LRP2: variants seen among roughly 807,000 people sequenced by gnomAD.
The protein encoded by LRP2 is low-density lipoprotein receptor-related protein 2.
In LRP2, 172 loss-of-function variants were observed where a neutral mutation model predicts 531.0. The ratio of observed to expected loss-of-function variants is 0.32; its 90% CI spans 0.29 to 0.37. The LOEUF (loss-of-function observed/expected upper bound fraction) is 0.37, where lower values mean the gene tolerates loss of function less well. Among genes scored for constraint, LRP2 ranks in the 10% least tolerant of loss-of-function variants. LRP2 has a pLI of 1.00. For missense variants in LRP2, 5,167 were observed against 5,868.3 expected (o/e 0.88, Z 3.90); for synonymous variants, 1,992 against 2,027.6 (o/e 0.98, Z 0.47).
intron 62 of LRP2, 104 bp from the exon 63 acceptor site, chr2:169,162,704 T>A: frequency 8.6e-7 from 1 of 1,160,418 alleles, no homozygotes; most frequent in Non-Finnish European, 1.3e-6. Context: ...AACAAGTGCT[T>A]CCCTACATTT....
intron 61 of LRP2, among the ~76,000 whole-genome samples, chr2:169,166,668 A>G (rs1276778222): frequency 6.6e-6 from 1 of 152,208 alleles, no homozygotes; most frequent in Admixed American, 6.5e-5. Flanking sequence ...TACATTTAAA[A>G]TCGATATCTC....
At chr2:169,311,229 T>C (rs1408297678) in intron 3 of LRP2, among the ~76,000 whole-genome samples, 2 of 152,226 alleles carry the variant, frequency 1.3e-5, no homozygotes, top group African/African-American at 2.4e-5. Context: ...TAGTTATTTC[T>C]TGCCTTCTGC....
intron 50 of LRP2, among the ~76,000 whole-genome samples, chr2:169,183,084 T>C (rs10169879): frequency 0.71 from 108,070 of 152,080 alleles, 38,656 homozygotes; most frequent in South Asian, 0.81. Flanking sequence ...ATAGCATCCA[T>C]AACCTTCCAA....
At position 169,238,202 on chromosome 2, in the gene LRP2, A is replaced by T. The variant is rs1689674670; in HGVS notation, c.4395T>A (p.Gly1465=). 4 of 1,614,130 alleles carry T rather than the reference A, an allele frequency of 2.5e-6. No individual in the cohort carries two copies. The highest frequency in any genetic ancestry group is 3.4e-6 in the Non-Finnish European group (4 of 1,179,956). Residue 1465 remains glycine (G), a synonymous_variant, in exon 27 of 79, where the codon GGT becomes GGA. Coordinates refer to ENST00000649046, the MANE Select transcript of LRP2 (RefSeq NM_004525.3). ...VHNIYSLVEN[G]SYIVAVDFDS... ...CAAAATCAACAGCTACAATGTAAGA[A>T]CCATTCTCGACCAATGAATAGATAT...
intron 72 of LRP2, among the ~76,000 whole-genome samples, chr2:169,140,195 G>C (rs1417220260): frequency 6.6e-6 from 1 of 152,172 alleles, no homozygotes; most frequent in Non-Finnish European, 1.5e-5. Flanking sequence ...GGCCTACCTA[G>C]AGCTTGTTAG....
chr2:169,285,042 C>T (rs1683816231), intron 9 of LRP2, among the ~76,000 whole-genome samples: 1 of 151,956 alleles, frequency 6.6e-6, no homozygotes, highest in South Asian at 2.1e-4. Flanking sequence ...GGCACAGTGG[C>T]TCACGCCTAT....
chr2:169,284,242 T>TTTTC (rs1683781719), intron 9 of LRP2, among the ~76,000 whole-genome samples: 1 of 104,598 alleles, frequency 9.6e-6, no homozygotes, highest in Admixed American at 1.2e-4. Context: ...TTTTCTTTTC[T>TTTTC]TTTTCTTTTT....
intron 3 of LRP2, among the ~76,000 whole-genome samples, chr2:169,309,752 T>A (rs896818700): frequency 2.6e-5 from 4 of 152,178 alleles, no homozygotes; most frequent in Non-Finnish European, 4.4e-5. Flanking sequence ...TTTTTCCAAT[T>A]CTGTGAAGAA....
Position 169,235,927 on chromosome 2 carries a change from C to T in LRP2, c.4833G>A (p.Leu1611=). The change falls in exon 29 of 79, where the codon CTG becomes CTA. Residue 1611 remains leucine, a synonymous_variant. Transcript: ENST00000649046. The part of the protein sequence containing the change: ...CGLTIDYPNR[L]LYFMDSYLDY... Reference sequence around the variant, plus strand: ...CAAGATAGGAGTCCATGAAGTAGAGCAGTCTGTTGGGGTAGTCAATAGTTA... The same window carrying T: ...CAAGATAGGAGTCCATGAAGTAGAGTAGTCTGTTGGGGTAGTCAATAGTTA... 1 of 1,614,154 alleles carries T rather than the reference C, an allele frequency of 6.2e-7. No homozygotes were observed. The highest frequency in any genetic ancestry group is 8.5e-7 in the Non-Finnish European group (1 of 1,180,018).
At chr2:169,153,813 A>G (rs1686231232) in intron 66 of LRP2, among the ~76,000 whole-genome samples, 1 of 152,196 alleles carries the variant, frequency 6.6e-6, no homozygotes, top group Non-Finnish European at 1.5e-5. Flanking sequence ...CACCAGATAG[A>G]GCCATGAGAG....
chr2:169,196,483 A>G (rs1688008719), intron 46 of LRP2, among the ~76,000 whole-genome samples: 1 of 152,190 alleles, frequency 6.6e-6, no homozygotes. Context: ...AAACTGGCAC[A>G]GAGAGAGAAC....
chr2:169,206,055 T>A lies in LRP2; in HGVS notation c.7524A>T (p.Lys2508Asn), dbSNP rs1470105966. The change falls in exon 40 of 79, where the codon AAA (lysine) becomes AAT (asparagine). Residue 2508 changes from lysine to asparagine, a missense_variant. Lys to Asn is a moderately conservative substitution (Grantham distance 94). Coordinates refer to ENST00000649046, the MANE Select transcript of LRP2 (RefSeq NM_004525.3). ...AGGGATCTAACACAATTGCTCTTGG[T>A]TTTGGAACGCGGGCTATCACAGTGC... Reference protein sequence around the residue: ...SNRTVIARVPKPRAIVLDPCQ... With the variant: ...SNRTVIARVPNPRAIVLDPCQ... The A allele has an allele frequency of 1.2e-6, 2 of 1,614,094 alleles. No individual in the cohort carries two copies. The highest frequency in any genetic ancestry group is 2.2e-5 in the South Asian group (2 of 91,070).
At chr2:169,291,027 C>T (rs1683986038) in intron 7 of LRP2, 30 bp from the exon 8 acceptor site, 1 of 1,609,160 alleles carries the variant, frequency 6.2e-7, no homozygotes, top group Admixed American at 1.7e-5. Flanking sequence ...GAGTTACAGG[C>T]CATAGGGGAG....
chr2:169,312,054 G>T (rs141657826), intron 3 of LRP2, among the ~76,000 whole-genome samples: 9,048 of 152,068 alleles, frequency 0.059, 378 homozygotes, highest in Non-Finnish European at 0.088. Flanking sequence ...CCATTTGCTT[G>T]GTAGATCTTC....
chr2:169,199,658 A>G (rs114276705), intron 44 of LRP2, among the ~76,000 whole-genome samples: 3,401 of 151,340 alleles, frequency 0.022, 122 homozygotes, highest in African/African-American at 0.08. Flanking sequence ...GGTTGATAGC[A>G]TAACCCTGCA....
In LRP2 at chr2:169,193,925, A is replaced by C. The variant is rs769610127; in HGVS notation, c.8699-33T>G. 1.9e-6 allele frequency: 3 copies of C among 1,613,822 alleles called. No individual in the cohort carries two copies. In the African/African-American group the frequency reaches 4.0e-5, roughly 22 times the overall value. On this transcript the variant is annotated intron_variant, in intron 46 of 78. Transcript: ENST00000649046. ...GATCAATAGCATTCTCAGTGAAAAA[A>C]AGTGGTTTACAGTCCAGGAATCTGG...
rs140421505 is a variant in LRP2 at position 169,132,524 on chromosome 2, C to A, written c.13728+50G>T. 3.3e-3 allele frequency: 3,504 copies of A among 1,073,194 alleles called. 7 individuals carry two copies. The highest frequency in any genetic ancestry group is 4.5e-3 in the Non-Finnish European group (3,114 of 685,816). 66.5% of individuals were successfully genotyped at this position (1,073,194 alleles called of 1,614,324 possible). On this transcript the variant is annotated intron_variant, in intron 77 of 78. Transcript: ENST00000649046. ...TTAAGGTTAATAAAAACCCAGTCAT[C>A]CCAAAGTTTTTCCAAATCCCACATT...
chr2:169,284,268 T>TTC (rs1683787170), intron 9 of LRP2, among the ~76,000 whole-genome samples: 1 of 128,342 alleles, frequency 7.8e-6, no homozygotes, highest in East Asian at 2.2e-4. Context: ...TTTTTTTTTT[T>TTC]TTTTTTTTTT....
chr2:169,130,027 C>T (rs1294831016), intron 77 of LRP2, among the ~76,000 whole-genome samples: 3 of 152,154 alleles, frequency 2.0e-5, no homozygotes, highest in Non-Finnish European at 4.4e-5. Flanking sequence ...TCACTTTAAC[C>T]CACATTCAAG....
Sources: gnomAD v4.1 joint callset for allele counts (sites outside exome capture counted in the v4.1 genomes callset) on GRCh38, gnomAD v4.1.1 for gene constraint, MANE v1.5 for transcripts, NCBI Gene and HGNC (gene_info 2026-07-23, HGNC 2026-07-21) for gene names.